Variants in ZNF500 observed in about 807,000 individuals in gnomAD.
The protein encoded by ZNF500 is zinc finger protein with KRAB and SCAN domains 18.
ZNF500 carries 31 observed loss-of-function variants against 30.1 expected under a neutral mutation model. The ratio of observed to expected loss-of-function variants is 1.03; its 90% CI spans 0.77 to 1.39. ZNF500 has a LOEUF of 1.39. ZNF500 is among the 40% of genes most tolerant of loss of function. The pLI is 0.00. For missense variants in ZNF500, 817 were observed against 657.8 expected, an observed-to-expected ratio of 1.24 and a Z score of -2.65; for synonymous variants, 392 against 282.0, an observed-to-expected ratio of 1.39 and a Z score of -3.91.
chr16:4,754,387 T>C (rs1343908134), intron 5 of ZNF500, among the ~76,000 whole-genome samples: 1 of 152,086 alleles, frequency 6.6e-6, no homozygotes, highest in East Asian at 1.9e-4. Context: ...AGGCCGGGCA[T>C]GGTGGCTCAT....
chr16:4,759,943 G>A (rs2082178690), intron 5 of ZNF500, among the ~76,000 whole-genome samples: 1 of 152,214 alleles, frequency 6.6e-6, no homozygotes, highest in African/African-American at 2.4e-5. Context: ...GGAGGCTGAG[G>A]TGGGAGCATC....
At position 4,765,711 on chromosome 16, in the gene ZNF500, G is replaced by A. The variant is rs1217616404; in HGVS notation, c.268C>T (p.Leu90=). The A allele has an allele frequency of 6.2e-7, 1 of 1,613,560 alleles. No homozygotes were observed. The highest frequency in any genetic ancestry group is 1.3e-5 in the African/African-American group (1 of 75,040). ...AACTGCTCCAGCACCAGCAGCTCCAGGATCTGCTCCTTGGTGCGCAGCTCC... is the reference window on the plus strand; with the variant it reads ...AACTGCTCCAGCACCAGCAGCTCCAAGATCTGCTCCTTGGTGCGCAGCTCC... The part of the protein sequence containing the change: ...RPELRTKEQI[L]ELLVLEQFLT... The change falls in exon 2 of 6, where the codon CTG becomes TTG. Residue 90 remains leucine, a synonymous_variant. Coordinates refer to ENST00000219478, the MANE Select transcript of ZNF500 (RefSeq NM_021646.4).
rs2082079844 is a variant in ZNF500, at chr16:4,751,724, C to T, written c.*652G>A. 1 of 1,332,124 alleles carries T rather than the reference C, an allele frequency of 7.5e-7. No individual in the cohort carries two copies. 82.5% of individuals were successfully genotyped at this position (1,332,124 alleles called of 1,614,324 possible). A position where few individuals can be genotyped will look rare whatever the true frequency, so the allele number is the denominator to read the frequency against. ...GATGAGGTCACAGTGTATTGGGGGA[C>T]CCTAAACCCAGTGAGTGGTGGCCCT... On this transcript the variant is annotated 3_prime_UTR_variant, in exon 6 of 6. Coordinates refer to ENST00000219478, the MANE Select transcript of ZNF500 (RefSeq NM_021646.4).
chr16:4,755,404 C>A (rs901135260), intron 5 of ZNF500, among the ~76,000 whole-genome samples: 2 of 152,172 alleles, frequency 1.3e-5, no homozygotes, highest in African/African-American at 4.8e-5. Context: ...GTAACCTCTG[C>A]CTCCCAGGTT....
rs1476040197 is a variant in ZNF500, at chr16:4,748,370, AGAG to A, written c.*4003_*4005del. 1 of 152,098 alleles carries A rather than the reference AGAG, an allele frequency of 6.6e-6. No homozygotes were observed. Among genetic ancestry groups the A allele is most frequent in the Non-Finnish European group, 1.5e-5 (1 of 68,030 alleles). 9.4% of individuals were successfully genotyped at this position (152,098 alleles called of 1,614,324 possible). On this transcript the variant is annotated 3_prime_UTR_variant, in exon 6 of 6. Transcript: ENST00000219478. ...CCTGGCTTTTAATGAACTTTTTGAA[AGAG>A]GAGTAACGAGAATTTGCTTTCTCTT... is the stretch of plus-strand genomic sequence containing the variant.
At chr16:4,759,751 G>A (rs975934781) in intron 5 of ZNF500, among the ~76,000 whole-genome samples, 1 of 152,004 alleles carries the variant, frequency 6.6e-6, no homozygotes, top group African/African-American at 2.4e-5. Context: ...AAAGGCTTCA[G>A]CATGGCCACG....
intron 2 of ZNF500, 64 bp from the exon 3 acceptor site, chr16:4,762,820 G>GC: frequency 6.6e-7 from 1 of 1,511,896 alleles, no homozygotes; most frequent in Non-Finnish European, 8.8e-7. Context: ...TCCCCGCAGG[G>GC]CCCCACACCC....
chr16:4,763,945 A>T (rs975832744), intron 2 of ZNF500: 1 of 985,346 alleles, frequency 1.0e-6, no homozygotes, highest in African/African-American at 1.7e-5. Context: ...AGCACTGCCC[A>T]TGTGCCCCAT....
chr16:4,765,580 C>A lies in ZNF500; in HGVS notation c.399G>T (p.Arg133Ser). ...CCCCACTCACCCGCTGCCTGTGTTT[C>A]CTGGGCTTCCGCTGCAGCCCTTCCA... The part of the protein sequence containing the change: ...VLVEGLQRKP[R>S]KHRQRGSELL... Residue 133 changes from arginine to serine, a missense_variant, in exon 2 of 6, where the codon AGG becomes AGT. Coordinates refer to ENST00000219478, the MANE Select transcript of ZNF500 (RefSeq NM_021646.4). The A allele has an allele frequency of 1.2e-6, 2 of 1,600,618 alleles. No homozygotes were observed. Among genetic ancestry groups the A allele is most frequent in the Non-Finnish European group, 1.7e-6 (2 of 1,172,048 alleles).
rs1442537350 is a variant in ZNF500 at position 4,766,072 on chromosome 16, GGGCCCTGTGGAGAGACGATAA to G, written c.-98-17_-95del. The G allele has an allele frequency of 1.4e-6, 2 of 1,427,630 alleles. No individual in the cohort carries two copies. Among genetic ancestry groups the G allele is most frequent in the Non-Finnish European group, 1.9e-6 (2 of 1,077,552 alleles). 88.4% of individuals were successfully genotyped at this position (1,427,630 alleles called of 1,614,324 possible). A position where few individuals can be genotyped will look rare whatever the true frequency, so the allele number is the denominator to read the frequency against. ...AGACACAGGAAGAGAGTTTTTTTCA[GGGCCCTGTGGAGAGACGATAA>G]AACCATCTGAAGGGCAGCCCTGGGG... On this transcript the variant is annotated splice_acceptor_variant and splice_polypyrimidine_tract_variant and 5_prime_UTR_variant and intron_variant, in exon 2 of 6. Transcript: ENST00000219478. LOFTEE classifies it low-confidence loss of function (5UTR_SPLICE).
chr16:4,765,455 A>G (rs1596508446), intron 2 of ZNF500, 110 bp downstream of exon 2: 3 of 1,451,444 alleles, frequency 2.1e-6, no homozygotes, highest in Non-Finnish European at 2.8e-6. Context: ...AAAAGGGCTC[A>G]GGGGCCAGGC....
intron 4 of ZNF500, among the ~76,000 whole-genome samples, chr16:4,761,474 TACATACACAC>T (rs1368769374): frequency 1.9e-3 from 66 of 34,446 alleles, no homozygotes; most frequent in South Asian, 5.6e-3. Flanking sequence ...CAAATACACA[TACATACACAC>T]ACACACACAC....
chr16:4,763,026 T>C (rs1044569189), intron 2 of ZNF500: 2 of 985,354 alleles, frequency 2.0e-6, no homozygotes, highest in African/African-American at 3.5e-5. Flanking sequence ...GACCCTGGGA[T>C]AGACCCTGGG....
downstream of ZNF500, chr16:4,746,874 T>C: frequency 2.7e-6 from 4 of 1,461,196 alleles, no homozygotes; most frequent in South Asian, 2.7e-5. Flanking sequence ...CCAACAAGAG[T>C]TGGAACACCA....
At chr16:4,760,108 G>A (rs949004766) in intron 5 of ZNF500, among the ~76,000 whole-genome samples, 2 of 152,154 alleles carry the variant, frequency 1.3e-5, no homozygotes, top group South Asian at 2.1e-4. Context: ...AGAGACAAAC[G>A]GACAGAGAAA....
At chr16:4,745,721 C>G (rs1163484579), downstream of ZNF500, among the ~76,000 whole-genome samples, 1 of 152,174 alleles carries the variant, frequency 6.6e-6, no homozygotes, top group East Asian at 1.9e-4. Context: ...AAGGCCGAGG[C>G]AGGCAGATCA....
chr16:4,762,914 C>T (rs1223432139), intron 2 of ZNF500, 158 bp from the exon 3 acceptor site: 9 of 985,276 alleles, frequency 9.1e-6, no homozygotes, highest in Non-Finnish European at 1.1e-5. Flanking sequence ...GGCAGTGTTC[C>T]CTGCAGCCAG....
chr16:4,746,099 G>A (rs1041480369), downstream of ZNF500: 4 of 363,320 alleles, frequency 1.1e-5, no homozygotes, highest in African/African-American at 8.3e-5. Context: ...GATTTAAACT[G>A]GCTTAAATGT....
chr16:4,763,829 A>C, intron 2 of ZNF500: 1 of 985,440 alleles, frequency 1.0e-6, no homozygotes, highest in Non-Finnish European at 1.2e-6. Context: ...GACTGCGGTC[A>C]GCTCACGCCG....
Sources: allele counts gnomAD v4.1 joint callset (sites outside exome capture counted in the v4.1 genomes callset), GRCh38; gene constraint gnomAD v4.1.1; transcripts MANE v1.5; gene names NCBI Gene and HGNC (gene_info 2026-07-23, HGNC 2026-07-21).